SLC9B2: variants seen among roughly 807,000 people sequenced by gnomAD.
SLC9B2 encodes the protein sodium/hydrogen exchanger 9B2.
Under a neutral mutation model 52.2 loss-of-function variants are expected in SLC9B2, and 39 were observed. That is an observed-to-expected ratio of 0.75 (90% confidence interval 0.58 to 0.98). The LOEUF is 0.98. Ranked by LOEUF, SLC9B2 falls within the 50% of genes least tolerant of loss-of-function variation. The pLI is 0.00. For missense variants in SLC9B2, 626 were observed against 637.5 expected, an observed-to-expected ratio of 0.98 and a Z score of 0.19; for synonymous variants, 214 against 227.0, an observed-to-expected ratio of 0.94 and a Z score of 0.51.
intron 1 of SLC9B2, among the ~76,000 whole-genome samples, chr4:103,070,512 C>T (rs1213034694): frequency 1.3e-5 from 2 of 152,244 alleles, no homozygotes; most frequent in Admixed American, 1.3e-4. Context: ...ATGATCCTAG[C>T]TCACTGCAAC....
At position 103,028,105 on chromosome 4, in the gene SLC9B2, T is replaced by A. The variant is rs534281361; in HGVS notation, c.1392+642A>T. On this transcript the variant is annotated intron_variant, in intron 11 of 11. Transcript: ENST00000394785. Reference sequence around the variant, plus strand: ...CATAGATATTCTAACAAATGCATGGTCAACAAATTCAAGCACCTATCTATA... The same window carrying A: ...CATAGATATTCTAACAAATGCATGGACAACAAATTCAAGCACCTATCTATA... 5.3e-5 allele frequency among the ~76,000 whole-genome samples: 8 copies of A among 152,284 alleles called. No homozygotes were observed. The South Asian group carries it at 1.7e-3, about 32-fold the overall frequency.
In SLC9B2 at chr4:103,022,934, G is replaced by C. The variant is rs1578431353; in HGVS notation, c.*3436C>G. Among the ~76,000 whole-genome samples, 1 of 152,208 alleles carries C rather than the reference G, an allele frequency of 6.6e-6. No homozygotes were observed. The highest frequency in any genetic ancestry group is 2.1e-4 in the South Asian group (1 of 4,828). On this transcript the variant is annotated 3_prime_UTR_variant, in exon 12 of 12. Coordinates refer to ENST00000394785, the MANE Select transcript of SLC9B2 (RefSeq NM_178833.7). Reference sequence around the variant, plus strand: ...GCATCAAGTGATGACACATGAGTGAGAGGGTGAGAATGTGGCCATTGGCAA... The same window carrying C: ...GCATCAAGTGATGACACATGAGTGACAGGGTGAGAATGTGGCCATTGGCAA...
chr4:103,030,915 A>T (rs1439020664), intron 10 of SLC9B2, among the ~76,000 whole-genome samples: 3 of 152,152 alleles, frequency 2.0e-5, no homozygotes, highest in Admixed American at 2.0e-4. Context: ...ATGTAAGTGG[A>T]ATCATACAGG....
intron 4 of SLC9B2, among the ~76,000 whole-genome samples, chr4:103,056,801 A>C (rs565404075): frequency 1.3e-5 from 2 of 152,358 alleles, no homozygotes; most frequent in Non-Finnish European, 2.9e-5. Flanking sequence ...CAGTTCTACC[A>C]AGATTTGACA....
chr4:103,062,049 C>T (rs1288357994), intron 3 of SLC9B2, among the ~76,000 whole-genome samples: 1 of 152,190 alleles, frequency 6.6e-6, no homozygotes, highest in Non-Finnish European at 1.5e-5. Context: ...GCAGGATTTG[C>T]CAGCTATTAT....
chr4:103,055,645 C>T (rs1745064741), intron 4 of SLC9B2, among the ~76,000 whole-genome samples: 1 of 150,756 alleles, frequency 6.6e-6, no homozygotes, highest in Non-Finnish European at 1.5e-5. Flanking sequence ...CTCACTCATA[C>T]AGCTAACAGA....
Position 103,057,925 on chromosome 4 carries a change from G to A in SLC9B2, c.318C>T (p.Gly106=), listed in dbSNP as rs1039150033. The A allele has an allele frequency of 6.2e-7, 1 of 1,613,838 alleles. No individual in the cohort carries two copies. The highest frequency in any genetic ancestry group is 8.5e-7 in the Non-Finnish European group (1 of 1,179,924). Residue 106 remains glycine, a synonymous_variant, in exon 4 of 12, where the codon GGC becomes GGT. Coordinates refer to ENST00000394785, the MANE Select transcript of SLC9B2 (RefSeq NM_178833.7). ...LLWAVVWSIT[G]SECLPGGNLF... is the part of the protein sequence containing the mutation. ...GGTTTCCTCCAGGAAGACATTCACTGCCAGTAATTGACCAAACTACAGCCC... is the reference window on the plus strand; with the variant it reads ...GGTTTCCTCCAGGAAGACATTCACTACCAGTAATTGACCAAACTACAGCCC...
rs1039257185 is a variant in SLC9B2 at position 103,051,490 on chromosome 4, A to C, written c.443-1108T>G. 3.9e-5 allele frequency among the ~76,000 whole-genome samples: 6 copies of C among 152,070 alleles called. 1 individual carries two copies. The highest frequency in any genetic ancestry group is 1.5e-4 in the African/African-American group (6 of 41,320). The stretch of plus-strand genomic sequence containing the variant: ...TATCTCTCATCACTGCCATTTATCT[A>C]CGGGAAAGTCTCGTAAGTTCTGAAT... On this transcript the variant is annotated intron_variant, in intron 4 of 11. Transcript: ENST00000394785.
At chr4:103,019,554 C>CG, downstream of SLC9B2, 1 of 983,934 alleles carries the variant, frequency 1.0e-6, no homozygotes, top group Non-Finnish European at 1.2e-6. Flanking sequence ...CCGGGACTAG[C>CG]GCCAAAGGGC....
intron 1 of SLC9B2, among the ~76,000 whole-genome samples, chr4:103,074,574 C>T (rs1407248326): frequency 6.6e-6 from 1 of 152,166 alleles, no homozygotes; most frequent in Non-Finnish European, 1.5e-5. Flanking sequence ...CAGAAAATAA[C>T]ATTTTATAAA....
Position 103,043,439 on chromosome 4 carries a change from G to A in SLC9B2, c.1003C>T (p.Leu335Phe), listed in dbSNP as rs1282863416. ...ACAAGGAATGTTCTCTTACACACAA[G>A]TTTGTCCTTTAGGAGAAAAAAATTC... ...QYFPSRDQDK[L>F]VCKRTFLVLG... Residue 335 changes from leucine (L) to phenylalanine (F), a missense_variant, in exon 9 of 12, where the codon CTT becomes TTT. By Grantham distance (22) the Leu-to-Phe change is conservative (BLOSUM62 0). Transcript: ENST00000394785. The A allele has an allele frequency of 1.3e-6, 2 of 1,599,692 alleles. No individual in the cohort carries two copies. The highest frequency in any genetic ancestry group is 4.5e-5 in the East Asian group (2 of 44,726).
At chr4:103,030,746 T>C (rs1742624261) in intron 10 of SLC9B2, among the ~76,000 whole-genome samples, 1 of 152,112 alleles carries the variant, frequency 6.6e-6, no homozygotes, top group African/African-American at 2.4e-5. Context: ...TTTATGTGTA[T>C]AGTTAGTATC....
At position 103,067,414 on chromosome 4, in the gene SLC9B2, GT is replaced by G. The variant is rs767809758; in HGVS notation, c.90+46del. On this transcript the variant is annotated intron_variant, in intron 2 of 11. Transcript: ENST00000394785. ...TGGGGATAGGAGAATTGGTAAATGAGTGGTAGAATATGAAGAAAACACAATT... is the reference window on the plus strand; with the variant it reads ...TGGGGATAGGAGAATTGGTAAATGAGGGTAGAATATGAAGAAAACACAATT... The G allele has an allele frequency of 6.6e-6, 10 of 1,524,056 alleles. No homozygotes were observed. In the South Asian group the frequency reaches 1.1e-4, roughly 17 times the overall value. 94.4% of individuals were successfully genotyped at this position (1,524,056 alleles called of 1,614,324 possible). A position where few individuals can be genotyped will look rare whatever the true frequency, so the allele number is the denominator to read the frequency against.
intron 1 of SLC9B2, among the ~76,000 whole-genome samples, chr4:103,071,906 T>C (rs916264230): frequency 3.3e-5 from 5 of 152,176 alleles, no homozygotes; most frequent in Non-Finnish European, 5.9e-5. Flanking sequence ...TTCTCATAGA[T>C]ACAGTCTGGT....
intron 9 of SLC9B2, among the ~76,000 whole-genome samples, chr4:103,036,079 A>C (rs935176822): frequency 6.6e-6 from 1 of 152,208 alleles, no homozygotes; most frequent in Non-Finnish European, 1.5e-5. Context: ...AGAACACAGA[A>C]ATAAAGCTGC....
Position 103,025,805 on chromosome 4 carries a change from T to G in SLC9B2, c.*565A>C, listed in dbSNP as rs1439735526. ...CAAGAGGATGAACCAATGAAGATACTTCATGTACTTTAAAATTTTGGTGGG... is the reference window on the plus strand; with the variant it reads ...CAAGAGGATGAACCAATGAAGATACGTCATGTACTTTAAAATTTTGGTGGG... On this transcript the variant is annotated 3_prime_UTR_variant, in exon 12 of 12. Transcript: ENST00000394785. The G allele has an allele frequency of 6.6e-6, 1 of 152,234 alleles. No homozygotes were observed. The highest frequency in any genetic ancestry group is 1.5e-5 in the Non-Finnish European group (1 of 68,080). 9.4% of individuals were successfully genotyped at this position (152,234 alleles called of 1,614,324 possible). A position where few individuals can be genotyped will look rare whatever the true frequency, so the allele number is the denominator to read the frequency against.
At position 103,031,682 on chromosome 4, in the gene SLC9B2, A is replaced by G. The variant is rs767918459; in HGVS notation, c.1255+18T>C. On this transcript the variant is annotated intron_variant, in intron 10 of 11. Coordinates refer to ENST00000394785, the MANE Select transcript of SLC9B2 (RefSeq NM_178833.7). ...AAAAAAAGTGAATTTTAACAAAAGC[A>G]CATTTTGAAATTCTTACCTACAGTT... 3 of 1,596,610 alleles carry G rather than the reference A, an allele frequency of 1.9e-6. No individual in the cohort carries two copies. Among genetic ancestry groups the G allele is most frequent in the Non-Finnish European group, 2.6e-6 (3 of 1,168,222 alleles).
chr4:103,052,228 C>T (rs865869252), intron 4 of SLC9B2, among the ~76,000 whole-genome samples: 3 of 152,210 alleles, frequency 2.0e-5, no homozygotes, highest in South Asian at 2.1e-4. Context: ...TCATAAGGAG[C>T]ACACAACCTA....
At chr4:103,029,451 G>A (rs563790885) in intron 10 of SLC9B2, among the ~76,000 whole-genome samples, 1 of 152,198 alleles carries the variant, frequency 6.6e-6, no homozygotes, top group East Asian at 1.9e-4. Flanking sequence ...ATATTTATGA[G>A]CCAGTATGGA....
Sources: gnomAD v4.1 joint callset for allele counts (sites outside exome capture counted in the v4.1 genomes callset) on GRCh38, gnomAD v4.1.1 for gene constraint, MANE v1.5 for transcripts, NCBI Gene and HGNC (gene_info 2026-07-23, HGNC 2026-07-21) for gene names.